ADAMTS18: variants seen among roughly 807,000 people sequenced by gnomAD.
ADAMTS18 encodes A disintegrin and metalloproteinase with thrombospondin motifs 18.
In ADAMTS18, 157 loss-of-function variants were observed where a neutral mutation model predicts 165.9. The ratio of observed to expected loss-of-function variants is 0.95; its 90% CI spans 0.83 to 1.08. The LOEUF (loss-of-function observed/expected upper bound fraction) is 1.08, where lower values mean the gene tolerates loss of function less well. Among genes scored for constraint, ADAMTS18 ranks in the 50% least tolerant of loss-of-function variants. The pLI is 0.00. For synonymous variants in ADAMTS18, 782 were observed against 578.2 expected (o/e 1.35, Z -5.06); for missense variants, 2,040 against 1,534.0 (o/e 1.33, Z -5.51).
At chr16:77,332,317 G>C (rs541033881) in intron 12 of ADAMTS18, among the ~76,000 whole-genome samples, 7 of 152,224 alleles carry the variant, frequency 4.6e-5, no homozygotes, top group African/African-American at 1.7e-4. Context: ...CGTCAGTAAA[G>C]GCTCTGCCTC....
At chr16:77,298,727 G>C (rs564058431) in intron 17 of ADAMTS18, among the ~76,000 whole-genome samples, 92 of 152,218 alleles carry the variant, frequency 6.0e-4, no homozygotes, top group Non-Finnish European at 1.0e-3. Context: ...CAGAGGTCGA[G>C]GCAGCAGTGA....
intron 3 of ADAMTS18, among the ~76,000 whole-genome samples, chr16:77,387,038 C>T (rs922228718): frequency 6.6e-6 from 1 of 152,156 alleles, no homozygotes; most frequent in East Asian, 1.9e-4. Flanking sequence ...CAGCAGAGGG[C>T]TATTTGCATA....
intron 13 of ADAMTS18, among the ~76,000 whole-genome samples, chr16:77,322,867 G>A (rs1379025129): frequency 6.6e-6 from 1 of 152,082 alleles, no homozygotes; most frequent in Non-Finnish European, 1.5e-5. Context: ...CACCAGATTT[G>A]GCCAGCAGCC....
chr16:77,360,282 G>A (rs1001689518), intron 7 of ADAMTS18, among the ~76,000 whole-genome samples: 4 of 152,174 alleles, frequency 2.6e-5, no homozygotes, highest in Admixed American at 6.5e-5. Context: ...TTCACACACT[G>A]TGCTATATGT....
At chr16:77,411,356 G>A (rs1304845836) in intron 3 of ADAMTS18, among the ~76,000 whole-genome samples, 1 of 152,176 alleles carries the variant, frequency 6.6e-6, no homozygotes, top group African/African-American at 2.4e-5. Context: ...CCTTTTTGCA[G>A]GACCACTAGG....
chr16:77,321,309 C>G (rs757501452), intron 14 of ADAMTS18, 107 bp from the exon 15 acceptor site: 140 of 1,443,718 alleles, frequency 9.7e-5, no homozygotes, highest in Non-Finnish European at 1.3e-4. Flanking sequence ...ATTAGGGAAG[C>G]AGTACAGCTT....
chr16:77,317,247 TTC>T (rs1358489251), intron 16 of ADAMTS18, among the ~76,000 whole-genome samples: 1 of 152,236 alleles, frequency 6.6e-6, no homozygotes, highest in Non-Finnish European at 1.5e-5. Flanking sequence ...GGATTTTCTT[TTC>T]TGTTTATCCA....
At chr16:77,340,627 A>T (rs1036583418) in intron 11 of ADAMTS18, among the ~76,000 whole-genome samples, 2 of 152,154 alleles carry the variant, frequency 1.3e-5, no homozygotes, top group Admixed American at 6.5e-5. Flanking sequence ...GTGGCCCAGG[A>T]TGGAGTGCAG....
intron 10 of ADAMTS18, among the ~76,000 whole-genome samples, chr16:77,351,071 T>C: frequency 6.6e-6 from 1 of 152,118 alleles, no homozygotes; most frequent in East Asian, 1.9e-4. Context: ...GAATAAGAGA[T>C]TTTGTTGCTT....
At chr16:77,311,415 AG>A (rs1316660007) in intron 16 of ADAMTS18, among the ~76,000 whole-genome samples, 1 of 152,248 alleles carries the variant, frequency 6.6e-6, no homozygotes, top group African/African-American at 2.4e-5. Flanking sequence ...TTGTATGGAA[AG>A]GCCTATGAAC....
chr16:77,291,332 T>C lies in ADAMTS18; in HGVS notation c.3336A>G (p.Arg1112=). Residue 1112 remains arginine (R), a synonymous_variant, in exon 21 of 23, where the codon CGA becomes CGG. Coordinates refer to ENST00000282849, the MANE Select transcript of ADAMTS18 (RefSeq NM_199355.4). ...PNLDLEETCN[R]RACPAHPVYN... The stretch of plus-strand genomic sequence containing the variant: ...ACACTGGATGGGCTGGGCAAGCCCG[T>C]CGGTTGCAGGTCTCTTCCAAGTCCA... 1.9e-6 allele frequency: 3 copies of C among 1,614,156 alleles called. No homozygotes were observed. Among genetic ancestry groups the C allele is most frequent in the Non-Finnish European group, 2.5e-6 (3 of 1,180,016 alleles).
chr16:77,431,688 G>C (rs2057742897), intron 2 of ADAMTS18, 77 bp from the exon 3 acceptor site: 10 of 1,456,878 alleles, frequency 6.9e-6, no homozygotes, highest in South Asian at 4.6e-5. Flanking sequence ...AGCTGGCAAA[G>C]AGCAACACAA....
chr16:77,361,349 G>C (rs1459454590), intron 7 of ADAMTS18, among the ~76,000 whole-genome samples: 1 of 152,114 alleles, frequency 6.6e-6, no homozygotes, highest in African/African-American at 2.4e-5. Flanking sequence ...ATATAGTATA[G>C]ATATAAAAGA....
rs572434590 is a variant in ADAMTS18, at chr16:77,371,473, T to C, written c.496-3750A>G. Among the ~76,000 whole-genome samples the C allele has an allele frequency of 9.2e-5, 14 of 152,040 alleles. No homozygotes were observed. In the East Asian group the frequency reaches 2.3e-3, roughly 25 times the overall value. ...GAACAGAAGAGAACCCTGAAATAAA[T>C]CTACTCATCTACAGCCTATTAATTT... On this transcript the variant is annotated intron_variant, in intron 3 of 22. Transcript: ENST00000282849.
chr16:77,419,954 CGCCACT>C (rs1455622516), intron 3 of ADAMTS18, among the ~76,000 whole-genome samples: 2 of 147,026 alleles, frequency 1.4e-5, no homozygotes, highest in African/African-American at 2.5e-5. Context: ...AACCGCATCA[CGCCACT>C]GCACTCCAGC....
intron 16 of ADAMTS18, among the ~76,000 whole-genome samples, chr16:77,309,388 A>G (rs1184077070): frequency 6.6e-6 from 1 of 152,200 alleles, no homozygotes; most frequent in Non-Finnish European, 1.5e-5. Flanking sequence ...CAAATCCTTG[A>G]TTACCCTGAG....
chr16:77,291,730 A>T, intron 20 of ADAMTS18, among the ~76,000 whole-genome samples: 1 of 152,204 alleles, frequency 6.6e-6, no homozygotes, highest in East Asian at 1.9e-4. Flanking sequence ...TCATAAAGTA[A>T]AAAAGGAACC....
At chr16:77,386,652 A>C (rs546591330) in intron 3 of ADAMTS18, among the ~76,000 whole-genome samples, 5 of 152,236 alleles carry the variant, frequency 3.3e-5, no homozygotes, top group African/African-American at 1.2e-4. Context: ...CCCTGCCCTA[A>C]TTCAACCTTA....
At position 77,283,684 on chromosome 16, in the gene ADAMTS18, T is replaced by G; in HGVS notation, c.*272A>C. 2.4e-6 allele frequency: 1 copy of G among 420,348 alleles called. No homozygotes were observed. The highest frequency in any genetic ancestry group is 4.4e-6 in the Non-Finnish European group (1 of 226,806). 26.0% of individuals were successfully genotyped at this position (420,348 alleles called of 1,614,324 possible). A position where few individuals can be genotyped will look rare whatever the true frequency, so the allele number is the denominator to read the frequency against. On this transcript the variant is annotated 3_prime_UTR_variant, in exon 23 of 23. Transcript: ENST00000282849. Reference sequence around the variant, plus strand: ...GACGTATCTCAGTGTGATTCACCACTTCTTGCATATAACAGTGCAAATCAA... The same window carrying G: ...GACGTATCTCAGTGTGATTCACCACGTCTTGCATATAACAGTGCAAATCAA...
Sources: allele counts gnomAD v4.1 joint callset (sites outside exome capture counted in the v4.1 genomes callset), GRCh38; gene constraint gnomAD v4.1.1; transcripts MANE v1.5; gene names NCBI Gene and HGNC (gene_info 2026-07-23, HGNC 2026-07-21).